RBMS1: variants seen among roughly 807,000 people sequenced by gnomAD.
The protein encoded by RBMS1 is RNA-binding motif, single-stranded-interacting protein 1.
A neutral mutation model predicts 62.3 loss-of-function variants in RBMS1; 17 were observed. The ratio of observed to expected loss-of-function variants is 0.27; its 90% CI spans 0.19 to 0.41. The LOEUF is 0.41. RBMS1 is among the 10% of genes least tolerant of loss of function. The pLI is 1.00. For missense variants in RBMS1, 334 were observed against 504.5 expected, an observed-to-expected ratio of 0.66 and a Z score of 3.24; for synonymous variants, 172 against 170.0, an observed-to-expected ratio of 1.01 and a Z score of -0.09.
chr2:160,364,572 T>C (rs895573549), intron 2 of RBMS1, among the ~76,000 whole-genome samples: 3 of 152,198 alleles, frequency 2.0e-5, no homozygotes, highest in African/African-American at 7.2e-5. Context: ...TGGGTGGGGC[T>C]GCCTTTCCCT....
chr2:160,424,760 T>C (rs1053403213), intron 1 of RBMS1, among the ~76,000 whole-genome samples: 1 of 152,182 alleles, frequency 6.6e-6, no homozygotes, highest in Non-Finnish European at 1.5e-5. Flanking sequence ...TTTTACAGAA[T>C]GTTTATAACC....
chr2:160,284,972 A>G (rs1688296004), intron 8 of RBMS1, 23 bp downstream of exon 8: 1 of 1,606,396 alleles, frequency 6.2e-7, no homozygotes, highest in Non-Finnish European at 8.5e-7. Context: ...TCAAGCCATT[A>G]TGGATTTATT....
chr2:160,405,582 G>C (rs149794649), intron 1 of RBMS1, among the ~76,000 whole-genome samples: 102 of 152,240 alleles, frequency 6.7e-4, no homozygotes, highest in Middle Eastern at 3.4e-3. Context: ...GGTACCCGGG[G>C]TCTTGTGTCT....
At chr2:160,288,590 C>T (rs1051002468) in intron 6 of RBMS1, among the ~76,000 whole-genome samples, 4 of 152,198 alleles carry the variant, frequency 2.6e-5, no homozygotes, top group Admixed American at 2.0e-4. Context: ...ATGGGTATGA[C>T]GAGTCAGGAA....
intron 1 of RBMS1, among the ~76,000 whole-genome samples, chr2:160,440,589 C>T (rs1683372517): frequency 6.6e-6 from 1 of 152,178 alleles, no homozygotes; most frequent in Non-Finnish European, 1.5e-5. Flanking sequence ...AATCTAGTCA[C>T]TCTAAAATGG....
intron 6 of RBMS1, among the ~76,000 whole-genome samples, chr2:160,287,576 T>C (rs186749374): frequency 3.3e-5 from 5 of 152,370 alleles, no homozygotes; most frequent in Admixed American, 2.6e-4. Context: ...TTTGTAACAA[T>C]TGGTGAGTAT....
chr2:160,453,426 T>G (rs1242574912), intron 1 of RBMS1, among the ~76,000 whole-genome samples: 1 of 152,186 alleles, frequency 6.6e-6, no homozygotes, highest in East Asian at 1.9e-4. Flanking sequence ...ATTATGATCG[T>G]TCTTTTCTTT....
At chr2:160,483,689 C>T (rs1185036578) in intron 1 of RBMS1, among the ~76,000 whole-genome samples, 1 of 152,208 alleles carries the variant, frequency 6.6e-6, no homozygotes, top group African/African-American at 2.4e-5. Context: ...CACTATCACA[C>T]ACACCTGTTA....
chr2:160,295,487 G>GTA (rs1282252975), intron 6 of RBMS1, among the ~76,000 whole-genome samples: 4 of 152,206 alleles, frequency 2.6e-5, no homozygotes, highest in Non-Finnish European at 4.4e-5. Context: ...CTGAAAAACT[G>GTA]TACCCCTGCA....
intron 1 of RBMS1, among the ~76,000 whole-genome samples, chr2:160,410,388 A>C (rs975170351): frequency 6.6e-6 from 1 of 152,152 alleles, no homozygotes; most frequent in Non-Finnish European, 1.5e-5. Context: ...AAAGTTCCAA[A>C]CTTAACTAGG....
intron 1 of RBMS1, among the ~76,000 whole-genome samples, chr2:160,480,221 G>A (rs1685309471): frequency 6.6e-6 from 1 of 152,042 alleles, no homozygotes; most frequent in South Asian, 2.1e-4. Flanking sequence ...GTGATGGGGT[G>A]TCACAACAAC....
intron 4 of RBMS1, among the ~76,000 whole-genome samples, chr2:160,305,452 C>T (rs1208896765): frequency 1.3e-5 from 2 of 152,118 alleles, no homozygotes; most frequent in Non-Finnish European, 2.9e-5. Flanking sequence ...AGGTTAGTAG[C>T]CTAAGAGCAA....
At chr2:160,296,009 A>G (rs1426304008) in intron 6 of RBMS1, among the ~76,000 whole-genome samples, 1 of 152,238 alleles carries the variant, frequency 6.6e-6, no homozygotes, top group African/African-American at 2.4e-5. Context: ...CAAAGGGACT[A>G]ATGTGTGGGG....
At chr2:160,324,880 G>GTATA (rs747823378) in intron 2 of RBMS1, among the ~76,000 whole-genome samples, 8,359 of 72,484 alleles carry the variant, frequency 0.12, 417 homozygotes, top group East Asian at 0.18. Context: ...GTGTGTGTGT[G>GTATA]TGTATATATA....
Position 160,284,879 on chromosome 2 carries a change from C to T in RBMS1, c.807-11G>A. ...GGTGAAGGATAAAATCTAGAACAAA[C>T]ACAAAAGCCTTTATTAAGTAATCCT... is the stretch of plus-strand genomic sequence containing the variant. On this transcript the variant is annotated splice_polypyrimidine_tract_variant and intron_variant, in intron 8 of 13. Transcript: ENST00000348849. The T allele has an allele frequency of 6.3e-7, 1 of 1,586,448 alleles. No homozygotes were observed. Among genetic ancestry groups the T allele is most frequent in the Non-Finnish European group, 8.6e-7 (1 of 1,156,820 alleles).
chr2:160,456,135 A>C (rs983573870), intron 1 of RBMS1, among the ~76,000 whole-genome samples: 1 of 152,220 alleles, frequency 6.6e-6, no homozygotes, highest in African/African-American at 2.4e-5. Flanking sequence ...ATTTCAGGAA[A>C]AAACAAACAA....
chr2:160,331,488 C>G (rs970155150), intron 2 of RBMS1, among the ~76,000 whole-genome samples: 1 of 152,164 alleles, frequency 6.6e-6, no homozygotes, highest in Non-Finnish European at 1.5e-5. Flanking sequence ...TGGCTGTCAT[C>G]CCCATTAGGT....
At chr2:160,472,110 G>A (rs537555735) in intron 1 of RBMS1, among the ~76,000 whole-genome samples, 1 of 152,170 alleles carries the variant, frequency 6.6e-6, no homozygotes, top group African/African-American at 2.4e-5. Context: ...AACAGCTGGC[G>A]TCACTGGCTT....
In RBMS1 at chr2:160,317,920, G is replaced by C. The variant is rs1027343290; in HGVS notation, c.310+249C>G. ...AGGGCTAAATGCCAACCCGTATTTT[G>C]CATGTTAACTCTACTGGCGTCAAAT... On this transcript the variant is annotated intron_variant, in intron 3 of 13. Transcript: ENST00000348849. Among the ~76,000 whole-genome samples the C allele has an allele frequency of 5.3e-5, 8 of 152,098 alleles. No homozygotes were observed. The South Asian group carries it at 1.2e-3, about 24-fold the overall frequency.
Sources: gnomAD v4.1 joint callset for allele counts (sites outside exome capture counted in the v4.1 genomes callset) on GRCh38, gnomAD v4.1.1 for gene constraint, MANE v1.5 for transcripts, NCBI Gene and HGNC (gene_info 2026-07-23, HGNC 2026-07-21) for gene names.